The following RAB36 variants were observed in gnomAD, a reference collection of about 807,000 sequenced individuals.
RAB36 encodes ras-related protein Rab-36.
A neutral mutation model predicts 39.3 loss-of-function variants in RAB36; 33 were observed. That is an observed-to-expected ratio of 0.84 (90% confidence interval 0.64 to 1.12). RAB36 has a LOEUF of 1.12. Among genes scored for constraint, RAB36 ranks in the 50% most tolerant of loss-of-function variants. RAB36 has a pLI of 0.00. For missense variants in RAB36, 308 were observed against 355.3 expected (o/e 0.87, Z 1.07); for synonymous variants, 133 against 140.2 (o/e 0.95, Z 0.36).
rs2071863271 is a variant in RAB36 at position 23,162,536 on chromosome 22, A to G, written c.*972A>G. 2.3e-6 allele frequency: 1 copy of G among 429,522 alleles called. No individual in the cohort carries two copies. Among genetic ancestry groups the G allele is most frequent in the African/African-American group, 2.0e-5 (1 of 49,760 alleles). 26.6% of individuals were successfully genotyped at this position (429,522 alleles called of 1,614,324 possible). A position where few individuals can be genotyped will look rare whatever the true frequency, so the allele number is the denominator to read the frequency against. ...GGACTTCAGAGGCCCTGCCAAGTCT[A>G]GCATGTTCCTGTCTCCAACACCGCC... On this transcript the variant is annotated 3_prime_UTR_variant, in exon 11 of 11. Coordinates refer to ENST00000263116, the MANE Select transcript of RAB36 (RefSeq NM_004914.5).
intron 5 of RAB36, among the ~76,000 whole-genome samples, chr22:23,154,418 C>T (rs1331070486): frequency 3.0e-4 from 46 of 152,204 alleles, no homozygotes; most frequent in Non-Finnish European, 2.9e-5. Context: ...CCAGCAAAGC[C>T]CTGGAGATGG....
Position 23,164,678 on chromosome 22 carries a change from A to C in RAB36, c.*3114A>C, listed in dbSNP as rs1407239476. ...CTGCAGCCAAGGTGCGGCAATGACCACAGTGACCGCGTCCAAGTGCTGCCG... is the reference window on the plus strand; with the variant it reads ...CTGCAGCCAAGGTGCGGCAATGACCCCAGTGACCGCGTCCAAGTGCTGCCG... On this transcript the variant is annotated 3_prime_UTR_variant, in exon 11 of 11. Coordinates refer to ENST00000263116, the MANE Select transcript of RAB36 (RefSeq NM_004914.5). 6.6e-6 allele frequency among the ~76,000 whole-genome samples: 1 copy of C among 152,160 alleles called. No homozygotes were observed. The highest frequency in any genetic ancestry group is 2.4e-5 in the African/African-American group (1 of 41,432).
chr22:23,148,856 C>T (rs2070948155), intron 2 of RAB36, among the ~76,000 whole-genome samples: 1 of 152,218 alleles, frequency 6.6e-6, no homozygotes, highest in South Asian at 2.1e-4. Context: ...AAGCAGCCAG[C>T]TTGTTCATGG....
At chr22:23,154,300 C>T (rs1165303312) in intron 5 of RAB36, among the ~76,000 whole-genome samples, 1 of 152,226 alleles carries the variant, frequency 6.6e-6, no homozygotes, top group Non-Finnish European at 1.5e-5. Flanking sequence ...TGCCTGAGTT[C>T]GTTCCTCAAT....
chr22:23,145,390 A>C (rs1407558504), upstream of RAB36: 17 of 1,608,604 alleles, frequency 1.1e-5, no homozygotes, highest in Non-Finnish European at 1.3e-5. Flanking sequence ...TGCAAGCTGG[A>C]TGCTTGGACG....
downstream of RAB36, among the ~76,000 whole-genome samples, chr22:23,165,690 C>T (rs910218449): frequency 4.6e-5 from 7 of 152,182 alleles, no homozygotes; most frequent in African/African-American, 1.2e-4. Flanking sequence ...GCTATTCTTC[C>T]GCTCCCTGCT....
intron 5 of RAB36, chr22:23,153,493 G>T: frequency 1.1e-6 from 1 of 903,956 alleles, no homozygotes; most frequent in Non-Finnish European, 1.3e-6. Context: ...CCTCCCGCAG[G>T]TTGCTGCTGA....
Position 23,161,691 on chromosome 22 carries a change from G to C in RAB36, c.*127G>C, listed in dbSNP as rs2071816736. On this transcript the variant is annotated 3_prime_UTR_variant, in exon 11 of 11. Transcript: ENST00000263116. ...CCTCAAGCTGTAGGCCCATGTTCCA[G>C]TCCCTCCACCCACCCACCGGGCTCA... 2.5e-6 allele frequency: 2 copies of C among 803,528 alleles called. No individual in the cohort carries two copies. The highest frequency in any genetic ancestry group is 3.9e-6 in the Non-Finnish European group (2 of 516,070). The allele number at this position is 803,528 out of a possible 1,614,324, so 49.8% of individuals were successfully genotyped here.
rs1219433276 is a variant in RAB36 at position 23,162,521 on chromosome 22, G to T, written c.*957G>T. 2 of 415,126 alleles carry T rather than the reference G, an allele frequency of 4.8e-6. No individual in the cohort carries two copies. Among genetic ancestry groups the T allele is most frequent in the African/African-American group, 4.0e-5 (2 of 49,486 alleles). The allele number at this position is 415,126 out of a possible 1,614,324, so 25.7% of individuals were successfully genotyped here. On this transcript the variant is annotated 3_prime_UTR_variant, in exon 11 of 11. Coordinates refer to ENST00000263116, the MANE Select transcript of RAB36 (RefSeq NM_004914.5). ...CCATGCACCTTTAGAGGACTTCAGA[G>T]GCCCTGCCAAGTCTAGCATGTTCCT...
Position 23,165,484 on chromosome 22 carries a change from A to G in RAB36, c.*3920A>G, listed in dbSNP as rs906603860. ...GAGCTTGGTAGGAGCCAGCCACAGA[A>G]AGTTTCAGGGCAGAACTGAACAGGT... On this transcript the variant is annotated 3_prime_UTR_variant, in exon 11 of 11. Transcript: ENST00000263116. Among the ~76,000 whole-genome samples the G allele has an allele frequency of 2.0e-5, 3 of 152,168 alleles. No homozygotes were observed. The highest frequency in any genetic ancestry group is 4.8e-5 in the African/African-American group (2 of 41,446).
chr22:23,159,151 C>T lies in RAB36; in HGVS notation c.529-12C>T. ...GCCGGGACGCTGGGTCAACAAGGGCCATTTCTCCCAGTCAGGGGCCGCATG... is the reference window on the plus strand; with the variant it reads ...GCCGGGACGCTGGGTCAACAAGGGCTATTTCTCCCAGTCAGGGGCCGCATG... On this transcript the variant is annotated splice_polypyrimidine_tract_variant and intron_variant, in intron 8 of 10. Coordinates refer to ENST00000263116, the MANE Select transcript of RAB36 (RefSeq NM_004914.5). The T allele has an allele frequency of 1.2e-6, 2 of 1,610,692 alleles. No homozygotes were observed. The highest frequency in any genetic ancestry group is 1.7e-6 in the Non-Finnish European group (2 of 1,178,758).
intron 6 of RAB36, chr22:23,156,364 G>A (rs188462532): frequency 4.6e-4 from 114 of 250,324 alleles, no homozygotes; most frequent in Non-Finnish European, 2.8e-4. Context: ...GGGGGAGGTC[G>A]GAGGAGGCTT....
Position 23,162,416 on chromosome 22 carries a change from A to G in RAB36, c.*852A>G. 1 of 350,808 alleles carries G rather than the reference A, an allele frequency of 2.9e-6. No individual in the cohort carries two copies. The highest frequency in any genetic ancestry group is 2.1e-5 in the South Asian group (1 of 46,858). The allele number at this position is 350,808 out of a possible 1,614,324, so 21.7% of individuals were successfully genotyped here. On this transcript the variant is annotated 3_prime_UTR_variant, in exon 11 of 11. Coordinates refer to ENST00000263116, the MANE Select transcript of RAB36 (RefSeq NM_004914.5). ...ATGGCACTGCCCTCCTCTGGCACTC[A>G]TGCTGGGCCTGTGCCCACTGCTGCC...
chr22:23,159,770 CTG>C (rs1235463678), intron 9 of RAB36, among the ~76,000 whole-genome samples: 2 of 152,226 alleles, frequency 1.3e-5, no homozygotes, highest in Non-Finnish European at 2.9e-5. Context: ...CCCAGTATCA[CTG>C]TGGCTCAAAG....
intron 6 of RAB36, 57 bp from the exon 7 acceptor site, chr22:23,157,935 C>A: frequency 6.2e-7 from 1 of 1,609,502 alleles, no homozygotes; most frequent in Non-Finnish European, 8.5e-7. Context: ...TCCTGGGGAG[C>A]CCCCTTGCTC....
At chr22:23,168,649 G>A (rs922449977), downstream of RAB36, among the ~76,000 whole-genome samples, 1 of 152,294 alleles carries the variant, frequency 6.6e-6, no homozygotes, top group Non-Finnish European at 1.5e-5. Flanking sequence ...GAGCAGCCAG[G>A]ACGTATGACT....
upstream of RAB36, chr22:23,145,378 G>A: frequency 6.2e-7 from 1 of 1,607,418 alleles, no homozygotes; most frequent in Non-Finnish European, 8.5e-7. Context: ...GGTGATCGCC[G>A]GTGCAAGCTG....
chr22:23,147,286 C>G (rs1050901154), intron 2 of RAB36, among the ~76,000 whole-genome samples: 13 of 152,072 alleles, frequency 8.5e-5, no homozygotes, highest in Non-Finnish European at 1.5e-4. Context: ...ACAATATTTA[C>G]CAATATAGAA....
rs116458281 is a variant in RAB36 at position 23,157,142 on chromosome 22, G to A, written c.395-850G>A. Among the ~76,000 whole-genome samples, 425 of 152,312 alleles carry A rather than the reference G, an allele frequency of 2.8e-3. 4 individuals carry two copies. Among genetic ancestry groups the A allele is most frequent in the African/African-American group, 9.7e-3 (403 of 41,560 alleles). Reference sequence around the variant, plus strand: ...GCTGAGGGCCCAGGCTGCATCTCCCGGTTTTCTGCCCACCTGGCTCCCCGG... The same window carrying A: ...GCTGAGGGCCCAGGCTGCATCTCCCAGTTTTCTGCCCACCTGGCTCCCCGG... On this transcript the variant is annotated intron_variant, in intron 6 of 10. Coordinates refer to ENST00000263116, the MANE Select transcript of RAB36 (RefSeq NM_004914.5).
Sources: allele counts gnomAD v4.1 joint callset (sites outside exome capture counted in the v4.1 genomes callset), GRCh38; gene constraint gnomAD v4.1.1; transcripts MANE v1.5; gene names NCBI Gene and HGNC (gene_info 2026-07-23, HGNC 2026-07-21).